MYOF: variants seen among roughly 807,000 people sequenced by gnomAD.
The protein encoded by MYOF is fer-1-like 3, myoferlin.
MYOF carries 244 observed loss-of-function variants against 284.2 expected under a neutral mutation model. That is an observed-to-expected ratio of 0.86 (90% CI 0.77 to 0.95). The LOEUF is 0.95. Among genes scored for constraint, MYOF ranks in the 40% least tolerant of loss-of-function variants. MYOF has a pLI of 0.00. For missense variants in MYOF, 2,496 were observed against 2,560.6 expected (o/e 0.97, Z 0.54); for synonymous variants, 904 against 919.7 (o/e 0.98, Z 0.31).
chr10:93,360,065 C>G, intron 28 of MYOF, 87 bp from the exon 29 acceptor site: 1 of 1,501,586 alleles, frequency 6.7e-7, no homozygotes, highest in East Asian at 2.3e-5. Flanking sequence ...TGTTCACTCT[C>G]CCTGCCCTCA....
chr10:93,391,877 G>A (rs1846706080), intron 17 of MYOF, among the ~76,000 whole-genome samples: 1 of 152,066 alleles, frequency 6.6e-6, no homozygotes, highest in Admixed American at 6.6e-5. Flanking sequence ...AATAATTACT[G>A]TATGTTTTAG....
chr10:93,408,816 T>C lies in MYOF; in HGVS notation c.700A>G (p.Lys234Glu). Residue 234 changes from lysine (K) to glutamate (E), a missense_variant, in exon 7 of 54, where the codon AAG (lysine) becomes GAG (glutamate). Transcript: ENST00000359263. ...TCAAAAAAAGGGTTGTTTCCTCTCT[T>C]GATTCTTGTTCGGTGTGTCTGGCCA... is the stretch of plus-strand genomic sequence containing the variant. ...VCGQTHRTRI[K>E]RGNNPFFDEL... 6.2e-7 allele frequency: 1 copy of C among 1,614,182 alleles called. No homozygotes were observed. The highest frequency in any genetic ancestry group is 8.5e-7 in the Non-Finnish European group (1 of 1,180,030).
At position 93,409,681 on chromosome 10, in the gene MYOF, A is replaced by G; in HGVS notation, c.492T>C (p.Pro164=). 1 of 1,614,168 alleles carries G rather than the reference A, an allele frequency of 6.2e-7. No individual in the cohort carries two copies. The highest frequency in any genetic ancestry group is 8.5e-7 in the Non-Finnish European group (1 of 1,179,998). ...CCGTCCCAACTGGCCCCTTGGGCCC[A>G]GGGCCCCTGACTGCATTGTCCAACC... The part of the protein sequence containing the change: ...EDRLDNAVRG[P]GPKGPVGTVS... The change falls in exon 6 of 54, where the codon CCT becomes CCC. Residue 164 remains proline (P), a synonymous_variant. Coordinates refer to ENST00000359263, the MANE Select transcript of MYOF (RefSeq NM_013451.4).
In MYOF at chr10:93,328,833, T is replaced by A. The variant is rs2133795121; in HGVS notation, c.5061A>T (p.Pro1687=). 1 of 1,613,850 alleles carries A rather than the reference T, an allele frequency of 6.2e-7. No individual in the cohort carries two copies. The highest frequency in any genetic ancestry group is 2.2e-5 in the East Asian group (1 of 44,884). Residue 1687 remains proline, a synonymous_variant, in exon 45 of 54, where the codon CCA becomes CCT. Coordinates refer to ENST00000359263, the MANE Select transcript of MYOF (RefSeq NM_013451.4). ...LQNVARFKGF[P]QPILSEDGSR... is the part of the protein sequence containing the mutation. ...TCCCATCTTCGGAAAGGATGGGTTG[T>A]GGGAAGCCTTTGAATCTGGCGACAT...
intron 3 of MYOF, among the ~76,000 whole-genome samples, chr10:93,444,891 C>T (rs1275525469): frequency 1.3e-5 from 2 of 152,216 alleles, no homozygotes; most frequent in African/African-American, 2.4e-5. Context: ...GCCTCCACCC[C>T]TCTGAGGCTC....
chr10:93,407,063 A>T (rs1010854711), intron 7 of MYOF, among the ~76,000 whole-genome samples: 1 of 152,090 alleles, frequency 6.6e-6, no homozygotes, highest in Admixed American at 6.5e-5. Flanking sequence ...GTGGCATTTG[A>T]GATGATTGTC....
intron 3 of MYOF, among the ~76,000 whole-genome samples, chr10:93,451,556 A>T (rs2056591375): frequency 6.6e-6 from 1 of 151,974 alleles, no homozygotes; most frequent in Non-Finnish European, 1.5e-5. Context: ...ATGTGAAAGG[A>T]AAGAGGCAGT....
intron 27 of MYOF, among the ~76,000 whole-genome samples, chr10:93,361,982 T>C (rs1427358151): frequency 3.3e-5 from 5 of 152,212 alleles, no homozygotes; most frequent in Non-Finnish European, 7.3e-5. Context: ...AGAGCCTCGC[T>C]CTGTTGCCCA....
chr10:93,392,642 A>G (rs1846753550), intron 17 of MYOF, among the ~76,000 whole-genome samples: 1 of 152,230 alleles, frequency 6.6e-6, no homozygotes, highest in South Asian at 2.1e-4. Context: ...AGAAAATGTT[A>G]TATCTCACAA....
intron 3 of MYOF, 28 bp from the exon 4 acceptor site, chr10:93,431,544 C>A: frequency 1.3e-6 from 2 of 1,580,422 alleles, no homozygotes; most frequent in Non-Finnish European, 1.7e-6. Context: ...AAGCACATAG[C>A]AGCCTAAGTA....
At chr10:93,307,917 A>G (rs1472001356) in intron 53 of MYOF, among the ~76,000 whole-genome samples, 1 of 149,176 alleles carries the variant, frequency 6.7e-6, no homozygotes, top group Non-Finnish European at 1.5e-5. Flanking sequence ...GAGCCACTGT[A>G]CCCGGCTGCC....
chr10:93,445,252 A>T (rs758817069), intron 3 of MYOF, among the ~76,000 whole-genome samples: 1 of 152,166 alleles, frequency 6.6e-6, no homozygotes, highest in Non-Finnish European at 1.5e-5. Context: ...TCTAACACAC[A>T]CCTGCTGTGT....
At chr10:93,402,682 C>G (rs1847355239) in intron 10 of MYOF, among the ~76,000 whole-genome samples, 178 bp downstream of exon 10, 1 of 152,176 alleles carries the variant, frequency 6.6e-6, no homozygotes, top group Non-Finnish European at 1.5e-5. Flanking sequence ...TTCTAAGCTA[C>G]TGTTATTTAT....
At chr10:93,360,569 T>G (rs1410609652) in intron 28 of MYOF, among the ~76,000 whole-genome samples, 4 of 152,248 alleles carry the variant, frequency 2.6e-5, no homozygotes, top group Non-Finnish European at 5.9e-5. Context: ...TATAATTGAT[T>G]TGAAATCTTC....
At chr10:93,470,036 C>G (rs1317949430) in intron 1 of MYOF, among the ~76,000 whole-genome samples, 1 of 151,958 alleles carries the variant, frequency 6.6e-6, no homozygotes, top group East Asian at 1.9e-4. Flanking sequence ...CGAGACCAGC[C>G]TGGCCAACAT....
rs1331216039 is a variant in MYOF, at chr10:93,467,795, TA to T, written c.89-10859del. Among the ~76,000 whole-genome samples the T allele has an allele frequency of 4.6e-5, 7 of 152,248 alleles. No homozygotes were observed. In the East Asian group the frequency reaches 1.4e-3, roughly 29 times the overall value. On this transcript the variant is annotated intron_variant, in intron 1 of 53. Coordinates refer to ENST00000359263, the MANE Select transcript of MYOF (RefSeq NM_013451.4). Reference sequence around the variant, plus strand: ...TATGCCATGGAATACTATGCAGCCATAAAAAATGATGAGTTCATGTCCTTTG... The same window carrying T: ...TATGCCATGGAATACTATGCAGCCATAAAAATGATGAGTTCATGTCCTTTG...
At chr10:93,417,617 G>GT (rs979923153) in intron 5 of MYOF, among the ~76,000 whole-genome samples, 11 of 152,090 alleles carry the variant, frequency 7.2e-5, no homozygotes, top group African/African-American at 2.4e-4. Context: ...GCAGAAGAGA[G>GT]TGGGATATCA....
intron 40 of MYOF, 78 bp downstream of exon 40, chr10:93,337,737 A>C: frequency 8.2e-7 from 1 of 1,218,674 alleles, no homozygotes; most frequent in East Asian, 2.3e-5. Flanking sequence ...GGGACCTTTT[A>C]GTCATCCTCT....
chr10:93,444,659 G>A (rs2056376931), intron 3 of MYOF, among the ~76,000 whole-genome samples: 1 of 152,234 alleles, frequency 6.6e-6, no homozygotes, highest in Admixed American at 6.5e-5. Context: ...ATCTATTGCA[G>A]TTTGAGGGAA....
Sources: gnomAD v4.1 joint callset for allele counts (sites outside exome capture counted in the v4.1 genomes callset) on GRCh38, gnomAD v4.1.1 for gene constraint, MANE v1.5 for transcripts, NCBI Gene and HGNC (gene_info 2026-07-23, HGNC 2026-07-21) for gene names.